Variants in TDRD5 observed in about 807,000 individuals in gnomAD.
TDRD5 encodes tudor domain containing 5.
A neutral mutation model predicts 120.6 loss-of-function variants in TDRD5; 41 were observed. The observed-to-expected ratio is 0.34, with a 90% confidence interval of 0.26 to 0.44. TDRD5 has a LOEUF of 0.44. TDRD5 is among the 20% of genes least tolerant of loss of function. The pLI is 1.00. For missense variants in TDRD5, 1,006 were observed against 1,221.2 expected, an observed-to-expected ratio of 0.82 and a Z score of 2.63; for synonymous variants, 430 against 433.7, an observed-to-expected ratio of 0.99 and a Z score of 0.11.
chr1:179,599,650 T>TTA (rs1675594135), intron 4 of TDRD5, among the ~76,000 whole-genome samples: 1 of 152,136 alleles, frequency 6.6e-6, no homozygotes. Flanking sequence ...CAGTAACATT[T>TTA]TAAGGTCTTT....
At chr1:179,630,552 C>CT in intron 6 of TDRD5, among the ~76,000 whole-genome samples, 1 of 152,174 alleles carries the variant, frequency 6.6e-6, no homozygotes, top group East Asian at 1.9e-4. Flanking sequence ...TTACCACATG[C>CT]TTTAAAAGGA....
intron 4 of TDRD5, among the ~76,000 whole-genome samples, chr1:179,600,425 G>C (rs759331756): frequency 2.6e-5 from 4 of 152,156 alleles, no homozygotes; most frequent in Non-Finnish European, 5.9e-5. Context: ...TAGCCTAGGA[G>C]CAATAAGCTG....
chr1:179,614,649 G>A (rs1676468862), intron 4 of TDRD5, among the ~76,000 whole-genome samples: 1 of 152,026 alleles, frequency 6.6e-6, no homozygotes, highest in African/African-American at 2.4e-5. Context: ...CTGGTACTCA[G>A]TACAAATGGA....
In TDRD5 at chr1:179,691,090, G is replaced by T. The variant is rs892744508; in HGVS notation, c.*147G>T. The T allele has an allele frequency of 3.9e-5, 41 of 1,047,030 alleles. No individual in the cohort carries two copies. The highest frequency in any genetic ancestry group is 6.0e-5 in the Admixed American group (2 of 33,198). The allele number at this position is 1,047,030 out of a possible 1,614,324, so 64.9% of individuals were successfully genotyped here. On this transcript the variant is annotated 3_prime_UTR_variant, in exon 18 of 18. Coordinates refer to ENST00000444136, the MANE Select transcript of TDRD5 (RefSeq NM_001199085.3). ...TGTGACTATATGTTAGCTTTATTAT[G>T]CTAACAGTCTACTTTGATGTGTAAG...
At chr1:179,629,582 C>G (rs762787614) in intron 6 of TDRD5, among the ~76,000 whole-genome samples, 25 of 152,084 alleles carry the variant, frequency 1.6e-4, no homozygotes, top group Non-Finnish European at 2.8e-4. Flanking sequence ...ATAATACATA[C>G]AATAAATGCA....
Position 179,654,201 on chromosome 1 carries a change from C to G in TDRD5, c.2161C>G (p.Gln721Glu), listed in dbSNP as rs1678869445. The G allele has an allele frequency of 6.6e-7, 1 of 1,525,348 alleles. No individual in the cohort carries two copies. The highest frequency in any genetic ancestry group is 2.5e-5 in the East Asian group (1 of 40,540). The allele number at this position is 1,525,348 out of a possible 1,614,324, so 94.5% of individuals were successfully genotyped here. ...QSKESELRIL[Q>E]DINDEKSLSH... The stretch of plus-strand genomic sequence containing the variant: ...AGGAATTCTCTTTCATATCTACTAG[C>G]AAGATATTAATGATGAAAAGTCTTT... The change falls in exon 14 of 18, where the codon CAA (glutamine) becomes GAA (glutamate). Residue 721 changes from glutamine (Q) to glutamate (E), a missense_variant and splice_region_variant. Around this residue, in one of 3 missense-constraint regions of TDRD5, gnomAD observed 403 missense variants for 448.1 expected, o/e 0.90. Coordinates refer to ENST00000444136, the MANE Select transcript of TDRD5 (RefSeq NM_001199085.3).
intron 17 of TDRD5, among the ~76,000 whole-genome samples, chr1:179,681,684 AAATG>A (rs1680428666): frequency 6.6e-6 from 1 of 151,904 alleles, no homozygotes; most frequent in South Asian, 2.1e-4. Context: ...GACAACAGGT[AAATG>A]AATGAGAGTA....
At chr1:179,671,949 GGTGT>G (rs111855083) in intron 17 of TDRD5, among the ~76,000 whole-genome samples, 21,698 of 141,616 alleles carry the variant, frequency 0.15, 1,679 homozygotes, top group African/African-American at 0.21. Flanking sequence ...AATATTCCAT[GGTGT>G]GTGTGTGTGT....
At chr1:179,618,851 A>C (rs1316176259) in intron 5 of TDRD5, among the ~76,000 whole-genome samples, 169 bp downstream of exon 5, 1 of 152,160 alleles carries the variant, frequency 6.6e-6, no homozygotes, top group African/African-American at 2.4e-5. Context: ...CGTACTCCTA[A>C]AAATTTTTAA....
intron 17 of TDRD5, among the ~76,000 whole-genome samples, chr1:179,669,877 T>C (rs977817527): frequency 2.0e-5 from 3 of 152,222 alleles, no homozygotes; most frequent in Non-Finnish European, 2.9e-5. Flanking sequence ...CTTTCACTTA[T>C]GGTAATATTT....
intron 3 of TDRD5, among the ~76,000 whole-genome samples, chr1:179,595,350 A>G (rs1283711357): frequency 6.6e-6 from 1 of 152,022 alleles, no homozygotes; most frequent in Non-Finnish European, 1.5e-5. Flanking sequence ...ATTGAATCCC[A>G]CCTCTCTATA....
rs540507894 is a variant in TDRD5 at position 179,643,328 on chromosome 1, A to G, written c.1800+2883A>G. On this transcript the variant is annotated intron_variant, in intron 11 of 17. Coordinates refer to ENST00000444136, the MANE Select transcript of TDRD5 (RefSeq NM_001199085.3). ...AACTAAAAATCACTAGACATGGGAG[A>G]AAAAAAAACAGGAAAATGTGACATA... Among the ~76,000 whole-genome samples the G allele has an allele frequency of 1.2e-3, 180 of 151,244 alleles. 1 individual carries two copies. The highest frequency in any genetic ancestry group is 4.3e-3 in the Admixed American group (66 of 15,174).
intron 6 of TDRD5, among the ~76,000 whole-genome samples, chr1:179,630,444 G>C (rs1306179159): frequency 6.6e-6 from 1 of 152,118 alleles, no homozygotes; most frequent in Non-Finnish European, 1.5e-5. Flanking sequence ...GTTGTAATTT[G>C]TGCATTCTCC....
chr1:179,662,411 G>A, intron 15 of TDRD5, 125 bp downstream of exon 15: 1 of 972,652 alleles, frequency 1.0e-6, no homozygotes, highest in Admixed American at 3.4e-5. Flanking sequence ...GACCAGCCTG[G>A]GCAACATGGT....
chr1:179,619,914 T>C (rs1002797032), intron 5 of TDRD5, among the ~76,000 whole-genome samples: 1 of 152,170 alleles, frequency 6.6e-6, no homozygotes, highest in African/African-American at 2.4e-5. Context: ...TATGATTTTT[T>C]TGTGGTACCA....
chr1:179,640,131 C>G, intron 10 of TDRD5, 80 bp downstream of exon 10: 26 of 1,464,280 alleles, frequency 1.8e-5, no homozygotes, highest in Non-Finnish European at 2.3e-5. Flanking sequence ...TGGGATCTCT[C>G]TTTTCTCTTG....
In TDRD5 at chr1:179,654,322, G is replaced by T; in HGVS notation, c.2282G>T (p.Trp761Leu). Residue 761 changes from tryptophan (W) to leucine (L), a missense_variant, in exon 14 of 18, where the codon TGG becomes TTG. Physicochemically the swap from Trp to Leu is moderately conservative, Grantham distance 61. Coordinates refer to ENST00000444136, the MANE Select transcript of TDRD5 (RefSeq NM_001199085.3). Reference sequence around the variant, plus strand: ...AAGAGCTTTGAAGAAGATCCAAAGTGGTCCAACCCAGAACCAAACGATCTG... The same window carrying T: ...AAGAGCTTTGAAGAAGATCCAAAGTTGTCCAACCCAGAACCAAACGATCTG... ...CNKSFEEDPK[W>L]SNPEPNDLKE... 4 of 1,547,518 alleles carry T rather than the reference G, an allele frequency of 2.6e-6. No individual in the cohort carries two copies. The highest frequency in any genetic ancestry group is 3.5e-6 in the Non-Finnish European group (4 of 1,145,538).
chr1:179,650,439 A>G (rs1178476874), intron 11 of TDRD5, among the ~76,000 whole-genome samples: 1 of 148,826 alleles, frequency 6.7e-6, no homozygotes, highest in Non-Finnish European at 1.5e-5. Flanking sequence ...AATTGCCTGG[A>G]TTAGCAGATA....
At chr1:179,650,842 A>G in intron 11 of TDRD5, 25 bp from the exon 12 acceptor site, 2 of 1,612,092 alleles carry the variant, frequency 1.2e-6, no homozygotes. Flanking sequence ...TATCACCTGA[A>G]TCCAATATCT....
Sources: allele counts gnomAD v4.1 joint callset (sites outside exome capture counted in the v4.1 genomes callset), GRCh38; gene constraint gnomAD v4.1.1; regional missense constraint gnomAD v4.1.1; transcripts MANE v1.5; gene names NCBI Gene and HGNC (gene_info 2026-07-23, HGNC 2026-07-21).